The following COL6A5 variants were observed in gnomAD, a reference collection of about 807,000 sequenced individuals.
COL6A5 encodes the protein collagen type VI alpha 5 chain, also known as collagen alpha-5(VI) chain.
COL6A5 carries 48 observed loss-of-function variants against 65.6 expected under a neutral mutation model. The ratio of observed to expected loss-of-function variants is 0.73; its 90% CI spans 0.58 to 0.93. The LOEUF (loss-of-function observed/expected upper bound fraction) is 0.93. COL6A5 is among the 40% of genes least tolerant of loss of function. The probability of loss-of-function intolerance (pLI) is 0.00; values close to 1 mark genes in which losing one functional copy is unlikely to be tolerated. For missense variants in COL6A5, 914 were observed against 928.3 expected (o/e 0.98, Z 0.20); for synonymous variants, 291 against 322.8 (o/e 0.90, Z 1.05).
rs115989762 is a variant in COL6A5 at position 130,433,035 on chromosome 3, A to G, written c.487+1086A>G. The stretch of plus-strand genomic sequence containing the variant: ...TTATAAAGGTCTATTTTTATAAAAA[A>G]TGTACAATTTCTACCATATAAAGAG... On this transcript the variant is annotated intron_variant, in intron 1 of 7. Coordinates refer to ENST00000512836, the Ensembl canonical transcript of COL6A5. Among the ~76,000 whole-genome samples, 324 of 152,310 alleles carry G rather than the reference A, an allele frequency of 2.1e-3. 1 individual carries two copies. The highest frequency in any genetic ancestry group is 4.1e-3 in the Non-Finnish European group (281 of 68,012).
chr3:130,409,997 A>C lies in COL6A5; in HGVS notation c.4543-12A>C, dbSNP rs1311190713. The C allele has an allele frequency of 3.9e-6, 6 of 1,534,386 alleles. No individual in the cohort carries two copies. The highest frequency in any genetic ancestry group is 5.3e-6 in the Non-Finnish European group (6 of 1,133,056). On this transcript the variant is annotated splice_polypyrimidine_tract_variant and intron_variant and NMD_transcript_variant, in intron 18 of 41. Coordinates refer to the COL6A5 transcript ENST00000312481. ...TCTGGATTCTAAACTACTTTTAAAA[A>C]TCTTTCTCTAGGGTAATCCAGGACA...
intron 4 of COL6A5, among the ~76,000 whole-genome samples, chr3:130,450,090 A>G (rs1005767632): frequency 1.5e-3 from 8 of 5,506 alleles, no homozygotes; most frequent in African/African-American, 1.9e-3. Flanking sequence ...GCTGGGACCC[A>G]TTTGGTTTGT....
At chr3:130,473,103 G>C (rs1014507472) in intron 7 of COL6A5, among the ~76,000 whole-genome samples, 1 of 151,424 alleles carries the variant, frequency 6.6e-6, no homozygotes, top group Non-Finnish European at 1.5e-5. Context: ...TGAAATATAT[G>C]GTTCTCATCA....
intron 1 of COL6A5, among the ~76,000 whole-genome samples, chr3:130,434,477 G>A (rs1937959519): frequency 6.6e-6 from 1 of 152,166 alleles, no homozygotes; most frequent in Non-Finnish European, 1.5e-5. Context: ...GGGTCAAATA[G>A]TATTTCTGAT....
intron 1 of COL6A5, among the ~76,000 whole-genome samples, chr3:130,371,018 A>G (rs1423474214): frequency 4.6e-5 from 7 of 151,968 alleles, no homozygotes; most frequent in African/African-American, 7.3e-5. Context: ...CTCTCTAAAC[A>G]TACACCCAAC....
intron 2 of COL6A5, 23 bp downstream of exon 34, chr3:130,439,638 A>C (rs903334642): frequency 6.6e-7 from 1 of 1,511,388 alleles, no homozygotes; most frequent in African/African-American, 1.4e-5. Context: ...AAGAGAATTG[A>C]CTGTGCTGAA....
At chr3:130,437,571 G>A (rs1038116138) in intron 1 of COL6A5, among the ~76,000 whole-genome samples, 3 of 152,020 alleles carry the variant, frequency 2.0e-5, no homozygotes, top group Admixed American at 2.0e-4. Context: ...TTAAAGCTAA[G>A]GTCTTTACAA....
chr3:130,352,806 A>G (rs563965440), intron 1 of COL6A5, among the ~76,000 whole-genome samples: 3 of 152,348 alleles, frequency 2.0e-5, no homozygotes, highest in South Asian at 2.1e-4. Context: ...AGGAGATAAC[A>G]TAATCAAATT....
chr3:130,451,241 A>G (rs1709423662), intron 4 of COL6A5, among the ~76,000 whole-genome samples: 1 of 152,142 alleles, frequency 6.6e-6, no homozygotes, highest in Non-Finnish European at 1.5e-5. Context: ...TTTTGGCGTA[A>G]TAAGTGTTGC....
At chr3:130,388,688 A>C in exon 6 of COL6A5, 2 of 1,551,308 alleles carry the variant, frequency 1.3e-6, no homozygotes, top group Non-Finnish European at 1.7e-6. Context: ...CTGTTAACTA[A>C]AATTCAAATT....
chr3:130,459,293 T>C (rs1283300661), intron 5 of COL6A5, among the ~76,000 whole-genome samples: 1 of 152,080 alleles, frequency 6.6e-6, no homozygotes. Context: ...GTTTTTAATT[T>C]TTCTAACTTT....
intron 5 of COL6A5, among the ~76,000 whole-genome samples, chr3:130,464,951 T>C (rs1358876367): frequency 6.6e-6 from 1 of 152,122 alleles, no homozygotes; most frequent in South Asian, 2.1e-4. Context: ...TGTCATCTTT[T>C]AGAACTGCCC....
chr3:130,478,474 A>G (rs1474600643), intron 7 of COL6A5, among the ~76,000 whole-genome samples: 1 of 152,078 alleles, frequency 6.6e-6, no homozygotes, highest in African/African-American at 2.4e-5. Context: ...AGATTTTCCA[A>G]TGCATGGATT....
chr3:130,442,416 A>G (rs901891102), intron 3 of COL6A5, among the ~76,000 whole-genome samples: 13 of 152,130 alleles, frequency 8.5e-5, no homozygotes, highest in Admixed American at 3.9e-4. Context: ...AAGATTGATG[A>G]TTATGCAATA....
At position 130,414,097 on chromosome 3, in the gene COL6A5, G is replaced by A. The variant is rs1169221386; in HGVS notation, c.4727G>A (p.Gly1576Asp). The A allele has an allele frequency of 3.9e-6, 6 of 1,550,872 alleles. No individual in the cohort carries two copies. The East Asian group carries it at 9.8e-5, about 25-fold the overall frequency. The change falls in exon 22 of 42, where the codon GGC (glycine) becomes GAC (aspartate). Residue 1576 changes from glycine to aspartate, a missense_variant and NMD_transcript_variant. Coordinates refer to the COL6A5 transcript ENST00000312481. ...GAACCAGGAAATCCTGGACCTACAG[G>A]CACATTGGGAGCTGAAGGATTACAA...
In COL6A5 at chr3:130,385,079, G is replaced by T. The variant is rs987326804; in HGVS notation, c.1576G>T (p.Asp526Tyr). 1.2e-5 allele frequency: 19 copies of T among 1,550,860 alleles called. No individual in the cohort carries two copies. The African/African-American group carries it at 2.2e-4, about 18-fold the overall frequency. Residue 526 changes from aspartate to tyrosine, a missense_variant and NMD_transcript_variant, in exon 5 of 42, where the codon GAT (aspartate) becomes TAT (tyrosine). Asp to Tyr is a radical substitution (Grantham distance 160). Transcript: ENST00000312481. ...TGGAACTTATACTGGGAAAGCTCTGGATTACATACTGCAAATAATAAAAAA... is the reference window on the plus strand; with the variant it reads ...TGGAACTTATACTGGGAAAGCTCTGTATTACATACTGCAAATAATAAAAAA...
At chr3:130,366,983 A>C (rs1234433257) in intron 1 of COL6A5, among the ~76,000 whole-genome samples, 2 of 152,210 alleles carry the variant, frequency 1.3e-5, no homozygotes, top group Non-Finnish European at 2.9e-5. Context: ...TGGCTCCCCA[A>C]ATAGATTGTG....
Position 130,460,887 on chromosome 3 carries a change from G to A in COL6A5, c.1544+5221G>A, listed in dbSNP as rs143038329. ...TGGTGGTGGTGGTGGTACTGGTGAT[G>A]GAAGTAAGATATGATGGTGGAGTGG... On this transcript the variant is annotated intron_variant, in intron 5 of 7. Coordinates refer to ENST00000512836, the Ensembl canonical transcript of COL6A5. Among the ~76,000 whole-genome samples the A allele has an allele frequency of 9.1e-3, 1,378 of 151,910 alleles. 14 individuals carry two copies. The highest frequency in any genetic ancestry group is 0.031 in the Middle Eastern group (9 of 294).
chr3:130,422,378 A>G (rs1292825145), intron 27 of COL6A5, among the ~76,000 whole-genome samples: 1 of 152,058 alleles, frequency 6.6e-6, no homozygotes, highest in East Asian at 1.9e-4. Flanking sequence ...TGTTTTATGA[A>G]TTTATAAAGT....
Sources: allele counts gnomAD v4.1 joint callset (sites outside exome capture counted in the v4.1 genomes callset), GRCh38; gene constraint gnomAD v4.1.1; transcripts MANE v1.5; gene names NCBI Gene and HGNC (gene_info 2026-07-23, HGNC 2026-07-21).